The following PARD3B variants were observed in gnomAD, a reference collection of about 807,000 sequenced individuals.
PARD3B encodes partitioning defective 3 homolog B.
PARD3B carries 103 observed loss-of-function variants against 130.2 expected under a neutral mutation model. That is an observed-to-expected ratio of 0.79 (90% CI 0.67 to 0.93). The LOEUF (loss-of-function observed/expected upper bound fraction) is 0.93. Among genes scored for constraint, PARD3B ranks in the 40% least tolerant of loss-of-function variants. The probability of loss-of-function intolerance (pLI) is 0.00; values close to 1 mark genes in which losing one functional copy is unlikely to be tolerated. For missense variants in PARD3B, 1,609 were observed against 1,499.2 expected, an observed-to-expected ratio of 1.07 and a Z score of -1.21; for synonymous variants, 583 against 553.2, an observed-to-expected ratio of 1.05 and a Z score of -0.76.
intron 2 of PARD3B, among the ~76,000 whole-genome samples, chr2:204,808,271 T>C (rs554260969): frequency 4.7e-4 from 72 of 152,304 alleles, no homozygotes; most frequent in Middle Eastern, 3.4e-3. Flanking sequence ...CACTTATTTG[T>C]ACACATTTTT....
Position 205,349,299 on chromosome 2 carries a change from A to G in PARD3B, c.2630+47598A>G, listed in dbSNP as rs145740175. ...AAAATGTATCATAGGTACTACAACT[A>G]AATCTTCAAGGTAAAACCCAGAAAA... On this transcript the variant is annotated intron_variant, in intron 18 of 22. Transcript: ENST00000406610. 5.1e-3 allele frequency among the ~76,000 whole-genome samples: 771 copies of G among 151,164 alleles called. 2 individuals carry two copies. Among genetic ancestry groups the G allele is most frequent in the African/African-American group, 0.018 (744 of 40,590 alleles).
chr2:205,133,104 G>A (rs2032161430), intron 10 of PARD3B, among the ~76,000 whole-genome samples: 2 of 152,080 alleles, frequency 1.3e-5, no homozygotes, highest in Admixed American at 6.6e-5. Context: ...GAGCAATAGC[G>A]ATTTCTGATT....
chr2:204,607,265 TAAC>T (rs2033757179), intron 1 of PARD3B, among the ~76,000 whole-genome samples: 1 of 152,192 alleles, frequency 6.6e-6, no homozygotes, highest in South Asian at 2.1e-4. Flanking sequence ...TACATTTACT[TAAC>T]AAAAAATTGG....
At chr2:205,442,324 A>C (rs1206527702) in intron 20 of PARD3B, among the ~76,000 whole-genome samples, 1 of 106,290 alleles carries the variant, frequency 9.4e-6, no homozygotes, top group Admixed American at 1.4e-4. Flanking sequence ...TTTGAGACGG[A>C]GTCTCACTCT....
chr2:204,860,958 T>C (rs2045158670), intron 2 of PARD3B, among the ~76,000 whole-genome samples: 1 of 152,154 alleles, frequency 6.6e-6, no homozygotes, highest in Non-Finnish European at 1.5e-5. Flanking sequence ...GACACAAAAA[T>C]GTAGAGTTTT....
intron 2 of PARD3B, among the ~76,000 whole-genome samples, chr2:204,725,295 T>G (rs2039174006): frequency 6.6e-6 from 1 of 152,194 alleles, no homozygotes; most frequent in South Asian, 2.1e-4. Flanking sequence ...GAAAGAGATG[T>G]GATCTTTTTT....
chr2:204,961,676 C>T (rs13397257), intron 2 of PARD3B, among the ~76,000 whole-genome samples: 4,040 of 151,972 alleles, frequency 0.027, 77 homozygotes, highest in Middle Eastern at 0.044. Flanking sequence ...TGGAAGATGA[C>T]GAAGAAAAAC....
At chr2:204,614,836 C>G (rs2034051599) in intron 1 of PARD3B, among the ~76,000 whole-genome samples, 1 of 152,138 alleles carries the variant, frequency 6.6e-6, no homozygotes, top group Non-Finnish European at 1.5e-5. Flanking sequence ...CTGAGGTTTT[C>G]CCAGAAGCAG....
chr2:205,349,838 AAGG>A (rs2043932649), intron 18 of PARD3B, among the ~76,000 whole-genome samples: 1 of 148,800 alleles, frequency 6.7e-6, no homozygotes, highest in Non-Finnish European at 1.5e-5. Context: ...GAGGAAGCAA[AAGG>A]AGGAGAGTGA....
chr2:204,741,535 T>G (rs535525865), intron 2 of PARD3B, among the ~76,000 whole-genome samples: 3 of 152,276 alleles, frequency 2.0e-5, no homozygotes, highest in African/African-American at 7.2e-5. Flanking sequence ...TAGTGTTGTG[T>G]TTAATCTTAG....
intron 2 of PARD3B, among the ~76,000 whole-genome samples, chr2:204,703,649 C>T (rs941250647): frequency 3.3e-5 from 5 of 152,076 alleles, no homozygotes; most frequent in South Asian, 2.1e-4. Flanking sequence ...GTTCAGAACT[C>T]GTTAGCTTAA....
intron 3 of PARD3B, among the ~76,000 whole-genome samples, chr2:205,010,564 A>G (rs751734761): frequency 6.6e-5 from 10 of 152,160 alleles, no homozygotes; most frequent in Admixed American, 4.6e-4. Context: ...TTTCTAAGAA[A>G]TTTTTCACTC....
At chr2:205,182,540 A>G (rs188153610) in intron 13 of PARD3B, among the ~76,000 whole-genome samples, 262 of 152,298 alleles carry the variant, frequency 1.7e-3, no homozygotes, top group Non-Finnish European at 3.2e-3. Context: ...GAACACGAGG[A>G]GAAAGTTATC....
At chr2:204,847,806 T>A (rs2044525756) in intron 2 of PARD3B, among the ~76,000 whole-genome samples, 1 of 152,132 alleles carries the variant, frequency 6.6e-6, no homozygotes, top group Non-Finnish European at 1.5e-5. Context: ...GTGCCTTAAG[T>A]GAAAAGGTGA....
chr2:205,450,889 T>C (rs528497027), intron 20 of PARD3B, among the ~76,000 whole-genome samples: 1 of 152,156 alleles, frequency 6.6e-6, no homozygotes, highest in Non-Finnish European at 1.5e-5. Flanking sequence ...TCATTAGATA[T>C]CCCTAAGCTC....
In PARD3B at chr2:205,159,030, A is replaced by G. The variant is rs2034353775; in HGVS notation, c.1620+123A>G. 7 of 1,015,702 alleles carry G rather than the reference A, an allele frequency of 6.9e-6. No individual in the cohort carries two copies. The South Asian group carries it at 1.0e-4, about 15-fold the overall frequency. The allele number at this position is 1,015,702 out of a possible 1,614,324, so 62.9% of individuals were successfully genotyped here. On this transcript the variant is annotated intron_variant, in intron 11 of 22. Coordinates refer to ENST00000406610, the MANE Select transcript of PARD3B (RefSeq NM_001302769.2). ...GGCCACTGAGACTTTCCCGCCAGAT[A>G]CAAAAAATATATGTGTGAACAGATC...
intron 18 of PARD3B, among the ~76,000 whole-genome samples, chr2:205,318,205 A>T (rs559070316): frequency 1.3e-5 from 2 of 152,276 alleles, no homozygotes; most frequent in East Asian, 3.9e-4. Flanking sequence ...TAGTCAATGT[A>T]TAGTAAAAAA....
chr2:204,627,024 T>C (rs536536364), intron 1 of PARD3B, among the ~76,000 whole-genome samples: 1 of 152,252 alleles, frequency 6.6e-6, no homozygotes, highest in South Asian at 2.1e-4. Context: ...GTTCTCATGA[T>C]AGTGAGTTCT....
chr2:204,618,767 G>C (rs1365900399), intron 1 of PARD3B, among the ~76,000 whole-genome samples: 2 of 152,268 alleles, frequency 1.3e-5, no homozygotes, highest in East Asian at 3.9e-4. Flanking sequence ...GAAAGGAAAA[G>C]TAGGACTGAA....
Sources: gnomAD v4.1 joint callset for allele counts (sites outside exome capture counted in the v4.1 genomes callset) on GRCh38, gnomAD v4.1.1 for gene constraint, MANE v1.5 for transcripts, NCBI Gene and HGNC (gene_info 2026-07-23, HGNC 2026-07-21) for gene names.